ANKH: variants seen among roughly 807,000 people sequenced by gnomAD.
ANKH encodes the protein ANKH inorganic pyrophosphate transport regulator.
Under a neutral mutation model 49.0 loss-of-function variants are expected in ANKH, and 15 were observed. The ratio of observed to expected loss-of-function variants is 0.31; its 90% CI spans 0.20 to 0.47. The LOEUF is 0.47. Ranked by LOEUF, ANKH falls within the 20% of genes least tolerant of loss-of-function variation. The pLI is 1.00. For missense variants in ANKH, 429 were observed against 652.0 expected, an observed-to-expected ratio of 0.66 and a Z score of 3.72; for synonymous variants, 273 against 260.0, an observed-to-expected ratio of 1.05 and a Z score of -0.48.
chr5:14,736,344 C>T (rs868517132), intron 8 of ANKH, among the ~76,000 whole-genome samples: 13 of 152,226 alleles, frequency 8.5e-5, no homozygotes, highest in African/African-American at 2.7e-4. Flanking sequence ...GTCCCATCCA[C>T]ACCTGCCATC....
chr5:14,863,525 T>C (rs1156771055), intron 1 of ANKH, among the ~76,000 whole-genome samples: 1 of 152,256 alleles, frequency 6.6e-6, no homozygotes, highest in African/African-American at 2.4e-5. Context: ...ACTTCCACTT[T>C]GAAGTATTAG....
intron 1 of ANKH, among the ~76,000 whole-genome samples, chr5:14,845,199 T>C (rs1741921938): frequency 6.6e-6 from 1 of 152,172 alleles, no homozygotes; most frequent in East Asian, 1.9e-4. Flanking sequence ...GTTTGATCTC[T>C]TTATTTAACG....
At chr5:14,845,365 TA>T (rs776907800) in intron 1 of ANKH, among the ~76,000 whole-genome samples, 2,842 of 24,548 alleles carry the variant, frequency 0.12, 55 homozygotes, top group African/African-American at 0.17. Flanking sequence ...TATATATATA[TA>T]TTTTTTTTTT....
At chr5:14,858,713 C>G (rs1735376191) in intron 1 of ANKH, among the ~76,000 whole-genome samples, 1 of 119,100 alleles carries the variant, frequency 8.4e-6, no homozygotes, top group African/African-American at 3.2e-5. Flanking sequence ...GAGAATCCAT[C>G]TCAATAAATA....
intron 3 of ANKH, 99 bp downstream of exon 3, chr5:14,758,381 T>C: frequency 3.4e-6 from 3 of 885,070 alleles, no homozygotes; most frequent in Non-Finnish European, 5.6e-6. Context: ...GCCATTAAGC[T>C]GTACACACAA....
intron 1 of ANKH, among the ~76,000 whole-genome samples, chr5:14,816,770 G>A (rs1174506730): frequency 6.6e-6 from 1 of 152,130 alleles, no homozygotes; most frequent in Admixed American, 6.5e-5. Context: ...ACCCAACCAA[G>A]AGGCAGGACA....
At chr5:14,787,186 C>A (rs771280161) in intron 1 of ANKH, among the ~76,000 whole-genome samples, 2 of 152,014 alleles carry the variant, frequency 1.3e-5, no homozygotes, top group Admixed American at 6.6e-5. Context: ...TGGTTGCATG[C>A]GCCTGTAATC....
intron 1 of ANKH, among the ~76,000 whole-genome samples, chr5:14,806,636 C>T (rs929880816): frequency 3.3e-5 from 5 of 152,134 alleles, no homozygotes; most frequent in Non-Finnish European, 7.3e-5. Flanking sequence ...GAAGAGCAGG[C>T]GAGTTCCTGT....
At chr5:14,749,753 T>G (rs1055898093) in intron 5 of ANKH, among the ~76,000 whole-genome samples, 1 of 152,268 alleles carries the variant, frequency 6.6e-6, no homozygotes, top group Non-Finnish European at 1.5e-5. Context: ...AAAATGTGCC[T>G]AATTATTCTG....
At chr5:14,771,879 A>C (rs1194769168) in intron 1 of ANKH, among the ~76,000 whole-genome samples, 1 of 146,070 alleles carries the variant, frequency 6.8e-6, no homozygotes, top group East Asian at 2.0e-4. Flanking sequence ...ATGTCACTGC[A>C]CTCCAGTCTG....
intron 6 of ANKH, among the ~76,000 whole-genome samples, chr5:14,747,138 C>T (rs875525): frequency 0.35 from 53,096 of 152,044 alleles, 11,545 homozygotes; most frequent in African/African-American, 0.62. Context: ...TTGATGGCTC[C>T]GTGCTACTCT....
At chr5:14,738,705 C>T (rs1344798575) in intron 8 of ANKH, among the ~76,000 whole-genome samples, 2 of 151,274 alleles carry the variant, frequency 1.3e-5, no homozygotes, top group South Asian at 4.2e-4. Flanking sequence ...AGGAATTCGA[C>T]ATCAGCCTGA....
chr5:14,810,700 C>A (rs1163594970), intron 1 of ANKH, among the ~76,000 whole-genome samples: 1 of 152,170 alleles, frequency 6.6e-6, no homozygotes, highest in Admixed American at 6.5e-5. Flanking sequence ...ATATGTTTAA[C>A]TTCTACCTTC....
In ANKH at chr5:14,710,875, AGAG is replaced by A. The variant is rs1737150483; in HGVS notation, c.*319_*321del. The A allele has an allele frequency of 5.3e-6, 2 of 376,820 alleles. No individual in the cohort carries two copies. Among genetic ancestry groups the A allele is most frequent in the Non-Finnish European group, 1.0e-5 (2 of 196,596 alleles). The allele number at this position is 376,820 out of a possible 1,614,324, so 23.3% of individuals were successfully genotyped here. On this transcript the variant is annotated 3_prime_UTR_variant, in exon 12 of 12. Coordinates refer to ENST00000284268, the MANE Select transcript of ANKH (RefSeq NM_054027.6). The stretch of plus-strand genomic sequence containing the variant: ...GCACAGCTGCAGTCCTTTGGTTCCA[AGAG>A]GAGATTGTCCAGGGGAGGAGGACAC...
At chr5:14,769,277 T>C (rs1739351186) in intron 1 of ANKH, 86 bp from the exon 2 acceptor site, 11 of 1,158,310 alleles carry the variant, frequency 9.5e-6, no homozygotes, top group African/African-American at 1.5e-5. Context: ...ATTCAGCAGA[T>C]CACGTTTCTA....
intron 1 of ANKH, among the ~76,000 whole-genome samples, chr5:14,827,697 G>A (rs1191853685): frequency 6.6e-6 from 1 of 152,112 alleles, no homozygotes; most frequent in Non-Finnish European, 1.5e-5. Context: ...CATCACTAAG[G>A]TTTTTGGACC....
intron 4 of ANKH, among the ~76,000 whole-genome samples, chr5:14,755,081 CAT>C (rs1738841290): frequency 2.2e-5 from 3 of 134,066 alleles, no homozygotes; most frequent in African/African-American, 9.7e-5. Flanking sequence ...AAAAAAAAGA[CAT>C]GAGAATTTGG....
At chr5:14,758,671 C>T (rs1346316225) in intron 2 of ANKH, 73 bp from the exon 3 acceptor site, 2 of 1,143,770 alleles carry the variant, frequency 1.7e-6, no homozygotes, top group African/African-American at 3.1e-5. Flanking sequence ...GTTTCAAAAG[C>T]TTAAAAACAA....
intron 1 of ANKH, among the ~76,000 whole-genome samples, chr5:14,817,746 G>A (rs1201536088): frequency 6.6e-6 from 1 of 152,214 alleles, no homozygotes; most frequent in East Asian, 1.9e-4. Context: ...TTCACCTGGA[G>A]AGAGGTGTGT....
Sources: allele counts gnomAD v4.1 joint callset (sites outside exome capture counted in the v4.1 genomes callset), GRCh38; gene constraint gnomAD v4.1.1; transcripts MANE v1.5; gene names NCBI Gene and HGNC (gene_info 2026-07-23, HGNC 2026-07-21).